Variants in ALMS1 observed in about 807,000 individuals in gnomAD.
ALMS1 encodes ALMS1 centrosome and basal body associated protein.
ALMS1 carries 271 observed loss-of-function variants against 352.2 expected under a neutral mutation model. The observed-to-expected ratio is 0.77, with a 90% CI of 0.70 to 0.85. The LOEUF (loss-of-function observed/expected upper bound fraction) is 0.85. Ranked by LOEUF, ALMS1 falls within the 40% of genes least tolerant of loss-of-function variation. ALMS1 has a pLI of 0.00. For synonymous variants in ALMS1, 1,865 were observed against 1,761.2 expected (o/e 1.06, Z -1.48); for missense variants, 5,445 against 4,870.7 (o/e 1.12, Z -3.51).
intron 9 of ALMS1, among the ~76,000 whole-genome samples, chr2:73,468,335 G>T (rs1196754285): frequency 6.6e-6 from 1 of 151,950 alleles, no homozygotes; most frequent in Non-Finnish European, 1.5e-5. Flanking sequence ...AGCACAAACT[G>T]CTTCAATGAA....
At chr2:73,561,828 A>G (rs1674669785) in intron 15 of ALMS1, among the ~76,000 whole-genome samples, 1 of 152,184 alleles carries the variant, frequency 6.6e-6, no homozygotes, top group Admixed American at 6.5e-5. Context: ...GAAAGATGGA[A>G]ATATAATCTG....
rs1431839446 is a variant in ALMS1, at chr2:73,489,923, A to G, written c.7964A>G (p.Gln2655Arg). The change falls in exon 10 of 23, where the codon CAG (glutamine) becomes CGG (arginine). Residue 2655 changes from glutamine to arginine, a missense_variant. Coordinates refer to ENST00000613296, the MANE Select transcript of ALMS1 (RefSeq NM_001378454.1). ...SLQLKSHSPF[Q>R]NFIPDEFKIS... ...CAGTTAAAAAGTCATTCCCCATTTC[A>G]GAACTTTATACCTGATGAATTCAAA... 2 of 1,614,090 alleles carry G rather than the reference A, an allele frequency of 1.2e-6. No individual in the cohort carries two copies. The highest frequency in any genetic ancestry group is 3.3e-5 in the Admixed American group (2 of 60,006).
Position 73,386,008 on chromosome 2 carries a change from A to C in ALMS1, c.140A>C (p.Glu47Ala). The C allele has an allele frequency of 5.8e-6, 9 of 1,560,710 alleles. No individual in the cohort carries two copies. The highest frequency in any genetic ancestry group is 7.8e-6 in the Non-Finnish European group (9 of 1,153,152). ...GACGTAGTGGTCGTGGAGGAGGTGGAGGAAGAGGCGGGGCGGGAGTTGGAC... is the reference window on the plus strand; with the variant it reads ...GACGTAGTGGTCGTGGAGGAGGTGGCGGAAGAGGCGGGGCGGGAGTTGGAC... ...VDDVVVVEEVEEEAGRELDSD... is the reference protein window; with the variant it reads ...VDDVVVVEEVAEEAGRELDSD... The change falls in exon 1 of 23, where the codon GAG (glutamate) becomes GCG (alanine). Residue 47 changes from glutamate (E) to alanine (A), a missense_variant. By Grantham distance (107) the Glu-to-Ala change is moderately radical. Coordinates refer to ENST00000613296, the MANE Select transcript of ALMS1 (RefSeq NM_001378454.1).
At chr2:73,402,197 T>G (rs971857862) in intron 1 of ALMS1, among the ~76,000 whole-genome samples, 1 of 152,082 alleles carries the variant, frequency 6.6e-6, no homozygotes, top group Non-Finnish European at 1.5e-5. Flanking sequence ...CTTTAGGTTT[T>G]TACCCAGAAA....
intron 9 of ALMS1, among the ~76,000 whole-genome samples, chr2:73,489,183 T>A (rs1672920627): frequency 6.6e-6 from 1 of 152,176 alleles, no homozygotes; most frequent in Non-Finnish European, 1.5e-5. Context: ...AACTTGATTT[T>A]AAGGACAGGA....
intron 2 of ALMS1, among the ~76,000 whole-genome samples, chr2:73,411,702 CTTTA>C (rs1340450314): frequency 6.6e-6 from 1 of 152,130 alleles, no homozygotes; most frequent in Non-Finnish European, 1.5e-5. Flanking sequence ...TCTGAGTTAC[CTTTA>C]TTTATTCATG....
chr2:73,409,027 C>G (rs909910830), intron 2 of ALMS1, among the ~76,000 whole-genome samples: 1 of 151,672 alleles, frequency 6.6e-6, no homozygotes, highest in African/African-American at 2.4e-5. Flanking sequence ...CATATACCAT[C>G]AAACCCACCT....
chr2:73,476,674 T>C (rs892730387), intron 9 of ALMS1, among the ~76,000 whole-genome samples: 3 of 152,068 alleles, frequency 2.0e-5, no homozygotes, highest in African/African-American at 4.8e-5. Context: ...TGATTAGTAA[T>C]ATTGAGCTTC....
chr2:73,543,177 A>G (rs1334097633), intron 12 of ALMS1, among the ~76,000 whole-genome samples: 3 of 152,210 alleles, frequency 2.0e-5, no homozygotes, highest in African/African-American at 7.2e-5. Flanking sequence ...GATATAGACC[A>G]ACGGAACAGA....
intron 1 of ALMS1, among the ~76,000 whole-genome samples, chr2:73,387,279 C>G (rs192746018): frequency 5.3e-5 from 8 of 152,302 alleles, no homozygotes; most frequent in African/African-American, 1.9e-4. Flanking sequence ...TTGGTGAACC[C>G]AAACATTTTT....
Position 73,602,217 on chromosome 2 carries a change from C to T in ALMS1, c.12147C>T (p.Ile4049=), listed in dbSNP as rs374328093. The change falls in exon 20 of 23, where the codon ATC becomes ATT. Residue 4049 remains isoleucine (I), a synonymous_variant. Coordinates refer to ENST00000613296, the MANE Select transcript of ALMS1 (RefSeq NM_001378454.1). ...ESLQFHRPDF[I]SRSGERIKRL... ...TTCAGTTTCACAGACCTGACTTCAT[C>T]TCCCGCTCTGGGGAGCGGATAAAGC... The T allele has an allele frequency of 3.1e-5, 50 of 1,613,898 alleles. No individual in the cohort carries two copies. The highest frequency in any genetic ancestry group is 4.2e-5 in the Non-Finnish European group (50 of 1,179,956).
rs1671057458 is a variant in ALMS1 at position 73,410,667 on chromosome 2, G to A, written c.450+1920G>A. Among the ~76,000 whole-genome samples the A allele has an allele frequency of 5.3e-5, 8 of 152,302 alleles. 1 individual carries two copies. In the South Asian group the frequency reaches 1.4e-3, roughly 28 times the overall value. ...AGGCTGTCATTCAGTCCCTGAAAGGGTGTCAGTGACCCTCAGGGATTTTTG... is the reference window on the plus strand; with the variant it reads ...AGGCTGTCATTCAGTCCCTGAAAGGATGTCAGTGACCCTCAGGGATTTTTG... On this transcript the variant is annotated intron_variant, in intron 2 of 22. Coordinates refer to ENST00000613296, the MANE Select transcript of ALMS1 (RefSeq NM_001378454.1).
intron 10 of ALMS1, among the ~76,000 whole-genome samples, chr2:73,503,497 G>A (rs537429172): frequency 6.6e-5 from 10 of 152,042 alleles, no homozygotes; most frequent in Non-Finnish European, 7.4e-5. Context: ...CCAGTCTATC[G>A]TTGTTGGACA....
chr2:73,529,684 A>G (rs754634490), intron 11 of ALMS1, among the ~76,000 whole-genome samples: 1 of 152,178 alleles, frequency 6.6e-6, no homozygotes, highest in Non-Finnish European at 1.5e-5. Flanking sequence ...TTGTAGAGGT[A>G]CCACCGTGGA....
chr2:73,537,645 A>G (rs1303794545), intron 12 of ALMS1, among the ~76,000 whole-genome samples: 1 of 152,228 alleles, frequency 6.6e-6, no homozygotes, highest in Non-Finnish European at 1.5e-5. Context: ...TTAAAACAAC[A>G]TAAAGCAACA....
intron 16 of ALMS1, among the ~76,000 whole-genome samples, chr2:73,583,209 T>G (rs1243835304): frequency 2.0e-5 from 3 of 151,910 alleles, no homozygotes; most frequent in Non-Finnish European, 4.4e-5. Context: ...TTTTTTTTTT[T>G]TAGAGGTGGG....
intron 10 of ALMS1, among the ~76,000 whole-genome samples, chr2:73,513,939 G>C (rs151271995): frequency 1.3e-4 from 20 of 152,168 alleles, no homozygotes; most frequent in Non-Finnish European, 2.5e-4. Context: ...ACAGATTCCC[G>C]CCTTGTTCTG....
At chr2:73,392,389 A>G (rs1488162542) in intron 1 of ALMS1, among the ~76,000 whole-genome samples, 2 of 151,742 alleles carry the variant, frequency 1.3e-5, no homozygotes, top group Non-Finnish European at 2.9e-5. Context: ...ATTCACCTTT[A>G]ATTTAAAGTG....
intron 21 of ALMS1, 94 bp from the exon 22 acceptor site, chr2:73,608,381 G>C (rs1675865485): frequency 1.0e-6 from 1 of 961,612 alleles, no homozygotes; most frequent in Non-Finnish European, 1.7e-6. Flanking sequence ...CTGGAGAGTG[G>C]GAGGTATAGG....
Sources: allele counts gnomAD v4.1 joint callset (sites outside exome capture counted in the v4.1 genomes callset), GRCh38; gene constraint gnomAD v4.1.1; transcripts MANE v1.5; gene names NCBI Gene and HGNC (gene_info 2026-07-23, HGNC 2026-07-21).